Variants in PDZRN3 observed in about 807,000 individuals in gnomAD.
PDZRN3 encodes the protein PDZ domain containing ring finger 3.
In PDZRN3, 38 loss-of-function variants were observed where a neutral mutation model predicts 85.7. That is an observed-to-expected ratio of 0.44 (90% CI 0.34 to 0.58). The LOEUF (loss-of-function observed/expected upper bound fraction) is 0.58, where lower values mean the gene tolerates loss of function less well. PDZRN3 is among the 20% of genes least tolerant of loss of function. PDZRN3 has a pLI of 0.01. For missense variants in PDZRN3, 1,629 were observed against 1,506.4 expected, an observed-to-expected ratio of 1.08 and a Z score of -1.35; for synonymous variants, 759 against 638.0, an observed-to-expected ratio of 1.19 and a Z score of -2.86.
At chr3:73,588,053 C>A (rs1196214251) in intron 3 of PDZRN3, among the ~76,000 whole-genome samples, 1 of 152,144 alleles carries the variant, frequency 6.6e-6, no homozygotes, top group Non-Finnish European at 1.5e-5. Flanking sequence ...GTTTGCGGCA[C>A]CTGTTGACCT....
chr3:73,480,610 C>G (rs1441368585), intron 3 of PDZRN3, among the ~76,000 whole-genome samples: 1 of 152,208 alleles, frequency 6.6e-6, no homozygotes, highest in Non-Finnish European at 1.5e-5. Context: ...CCCCATCACC[C>G]AGAGTGCACG....
intron 3 of PDZRN3, among the ~76,000 whole-genome samples, chr3:73,419,079 C>T (rs138751318): frequency 9.9e-5 from 15 of 152,234 alleles, no homozygotes; most frequent in Admixed American, 2.0e-4. Flanking sequence ...GAAAAACCTG[C>T]AGCATTTTGT....
At chr3:73,526,724 G>A (rs140598190) in intron 3 of PDZRN3, among the ~76,000 whole-genome samples, 91 of 152,274 alleles carry the variant, frequency 6.0e-4, no homozygotes, top group Non-Finnish European at 1.2e-3. Context: ...GTCTCAGTCT[G>A]TTGCGCAGGC....
chr3:73,580,912 T>A (rs1489993586), intron 3 of PDZRN3, among the ~76,000 whole-genome samples: 1 of 152,202 alleles, frequency 6.6e-6, no homozygotes, highest in Non-Finnish European at 1.5e-5. Flanking sequence ...AAAATCTACC[T>A]CAAACTAATT....
At chr3:73,607,103 C>T (rs1216147000) in intron 2 of PDZRN3, among the ~76,000 whole-genome samples, 3 of 152,192 alleles carry the variant, frequency 2.0e-5, no homozygotes, top group Non-Finnish European at 4.4e-5. Flanking sequence ...TGTATGAGCG[C>T]CAATCCCCAC....
intron 3 of PDZRN3, among the ~76,000 whole-genome samples, chr3:73,515,727 A>G (rs1021119146): frequency 6.6e-6 from 1 of 152,198 alleles, no homozygotes; most frequent in African/African-American, 2.4e-5. Flanking sequence ...TATATTGCAG[A>G]GAGGAAATCA....
At chr3:73,533,173 C>A (rs1575716063) in intron 3 of PDZRN3, among the ~76,000 whole-genome samples, 1 of 152,178 alleles carries the variant, frequency 6.6e-6, no homozygotes, top group Non-Finnish European at 1.5e-5. Context: ...TTTCTAATAA[C>A]CTCATCTAGC....
intron 3 of PDZRN3, among the ~76,000 whole-genome samples, chr3:73,430,506 G>A (rs1170331984): frequency 2.0e-5 from 3 of 152,152 alleles, no homozygotes; most frequent in Non-Finnish European, 4.4e-5. Context: ...ACTGGCTGGG[G>A]TGGCACTCTG....
intron 3 of PDZRN3, among the ~76,000 whole-genome samples, chr3:73,595,681 A>T (rs1050182165): frequency 6.6e-6 from 1 of 152,202 alleles, no homozygotes; most frequent in Non-Finnish European, 1.5e-5. Flanking sequence ...AGCAAAGATC[A>T]CAGATTTAAT....
intron 3 of PDZRN3, among the ~76,000 whole-genome samples, chr3:73,560,748 T>C (rs1395788312): frequency 6.6e-6 from 1 of 152,224 alleles, no homozygotes; most frequent in Non-Finnish European, 1.5e-5. Flanking sequence ...ACACAGATAT[T>C]TCTGTATTTA....
chr3:73,445,652 C>T (rs4677284), intron 3 of PDZRN3, among the ~76,000 whole-genome samples: 123,866 of 152,180 alleles, frequency 0.81, 50,559 homozygotes, highest in East Asian at 0.91. Context: ...CCACAAATGG[C>T]AATACTAATT....
intron 3 of PDZRN3, among the ~76,000 whole-genome samples, chr3:73,528,885 A>AACACACACACAC (rs56134399): frequency 1.2e-4 from 18 of 146,870 alleles, no homozygotes; most frequent in African/African-American, 4.0e-4. Context: ...TTTTGTGGGA[A>AACACACACACAC]ACACACACAC....
At position 73,424,442 on chromosome 3, in the gene PDZRN3, G is replaced by A. The variant is rs544056009; in HGVS notation, c.919-20047C>T. On this transcript the variant is annotated intron_variant, in intron 3 of 9. Transcript: ENST00000263666. Reference sequence around the variant, plus strand: ...TGTAGTCCCAGCTACTCGGAAGGCTGAGGCAGGAGAATGGCGTGAACCCGG... The same window carrying A: ...TGTAGTCCCAGCTACTCGGAAGGCTAAGGCAGGAGAATGGCGTGAACCCGG... Among the ~76,000 whole-genome samples, 100 of 147,232 alleles carry A rather than the reference G, an allele frequency of 6.8e-4. 1 individual carries two copies. The highest frequency in any genetic ancestry group is 3.6e-3 in the Middle Eastern group (1 of 278).
intron 3 of PDZRN3, among the ~76,000 whole-genome samples, chr3:73,512,762 TAGCCA>T (rs1559716484): frequency 1.3e-5 from 2 of 152,216 alleles, no homozygotes; most frequent in Non-Finnish European, 1.5e-5. Flanking sequence ...GAAGGCCTTG[TAGCCA>T]AACATTCCCT....
intron 3 of PDZRN3, among the ~76,000 whole-genome samples, chr3:73,601,476 G>A (rs1006588416): frequency 1.3e-5 from 2 of 152,168 alleles, no homozygotes; most frequent in Non-Finnish European, 2.9e-5. Context: ...TGTGGGGTCT[G>A]GCATATCATC....
chr3:73,522,616 G>C (rs1464250698), intron 3 of PDZRN3, among the ~76,000 whole-genome samples: 1 of 152,212 alleles, frequency 6.6e-6, no homozygotes, highest in African/African-American at 2.4e-5. Flanking sequence ...GGAAGCACCT[G>C]ATAAATGGAA....
intron 3 of PDZRN3, among the ~76,000 whole-genome samples, chr3:73,585,448 A>C (rs751914710): frequency 5.9e-5 from 9 of 152,154 alleles, no homozygotes; most frequent in Non-Finnish European, 1.0e-4. Flanking sequence ...TAGGCTTTAA[A>C]CATCATCTTG....
At chr3:73,479,789 G>A (rs1044839358) in intron 3 of PDZRN3, among the ~76,000 whole-genome samples, 2 of 152,072 alleles carry the variant, frequency 1.3e-5, no homozygotes, top group African/African-American at 2.4e-5. Flanking sequence ...CAAATGTGGT[G>A]GGGACTCACG....
At chr3:73,424,849 A>G (rs1430288260) in intron 3 of PDZRN3, among the ~76,000 whole-genome samples, 1 of 152,182 alleles carries the variant, frequency 6.6e-6, no homozygotes, top group Non-Finnish European at 1.5e-5. Context: ...CATATTCACT[A>G]TATTGGAAAA....
Sources: gnomAD v4.1 joint callset for allele counts (sites outside exome capture counted in the v4.1 genomes callset) on GRCh38, gnomAD v4.1.1 for gene constraint, MANE v1.5 for transcripts, NCBI Gene and HGNC (gene_info 2026-07-23, HGNC 2026-07-21) for gene names.